Variants in LRP1B observed in about 807,000 individuals in gnomAD.
The protein encoded by LRP1B is LDL receptor related protein 1B.
Under a neutral mutation model 556.6 loss-of-function variants are expected in LRP1B, and 217 were observed. That is an observed-to-expected ratio of 0.39 (90% CI 0.35 to 0.44). The LOEUF (loss-of-function observed/expected upper bound fraction) is 0.44, where lower values mean the gene tolerates loss of function less well. Among genes scored for constraint, LRP1B ranks in the 20% least tolerant of loss-of-function variants. The pLI is 1.00. For synonymous variants in LRP1B, 2,047 were observed against 1,865.8 expected, an observed-to-expected ratio of 1.10 and a Z score of -2.50; for missense variants, 5,053 against 5,620.8, an observed-to-expected ratio of 0.90 and a Z score of 3.23.
chr2:141,124,124 A>G (rs1362885786), intron 7 of LRP1B, among the ~76,000 whole-genome samples: 1 of 152,148 alleles, frequency 6.6e-6, no homozygotes, highest in African/African-American at 2.4e-5. Flanking sequence ...AGATAACAAA[A>G]TAAAACTTTC....
chr2:141,799,108 A>C (rs998403993), intron 2 of LRP1B, among the ~76,000 whole-genome samples: 9 of 152,038 alleles, frequency 5.9e-5, no homozygotes, highest in Admixed American at 4.6e-4. Context: ...TAAGCCACCC[A>C]GTGTGTGGTG....
At chr2:140,598,858 C>T in intron 42 of LRP1B, 23 bp from the exon 43 acceptor site, 2 of 1,480,760 alleles carry the variant, frequency 1.4e-6, no homozygotes, top group Non-Finnish European at 1.9e-6. Flanking sequence ...AAAATTGTAA[C>T]TATAAATTAA....
intron 3 of LRP1B, among the ~76,000 whole-genome samples, chr2:141,259,401 C>T (rs575150430): frequency 6.6e-6 from 1 of 152,250 alleles, no homozygotes; most frequent in East Asian, 1.9e-4. Context: ...GATGACATTC[C>T]CCAGTTGTCT....
chr2:141,467,797 T>C (rs1682289046), intron 3 of LRP1B, among the ~76,000 whole-genome samples: 1 of 112,352 alleles, frequency 8.9e-6, no homozygotes, highest in South Asian at 3.6e-4. Context: ...AAAAGCACAC[T>C]GCTTTTTGTT....
At chr2:141,964,134 A>G (rs1263476247) in intron 1 of LRP1B, among the ~76,000 whole-genome samples, 1 of 150,362 alleles carries the variant, frequency 6.7e-6, no homozygotes, top group Non-Finnish European at 1.5e-5. Flanking sequence ...GCTCATGGGT[A>G]GGAAGAATTA....
At chr2:141,510,964 T>A (rs983197) in intron 2 of LRP1B, among the ~76,000 whole-genome samples, 2 of 151,692 alleles carry the variant, frequency 1.3e-5, no homozygotes, top group Non-Finnish European at 2.9e-5. Flanking sequence ...AAATTTAAGA[T>A]AGAGAGTGGA....
chr2:140,415,577 T>C (rs1353769911), intron 66 of LRP1B, among the ~76,000 whole-genome samples: 1 of 152,142 alleles, frequency 6.6e-6, no homozygotes, highest in Non-Finnish European at 1.5e-5. Context: ...AAATAGAACC[T>C]ACACTGAAAT....
intron 69 of LRP1B, among the ~76,000 whole-genome samples, chr2:140,372,079 T>C (rs58455259): frequency 4.0e-4 from 61 of 152,208 alleles, no homozygotes; most frequent in African/African-American, 1.4e-3. Context: ...TAGGCTTGCA[T>C]TCAAATGTCT....
chr2:141,697,024 G>A (rs1352643558), intron 2 of LRP1B, among the ~76,000 whole-genome samples: 1 of 151,796 alleles, frequency 6.6e-6, no homozygotes, highest in Non-Finnish European at 1.5e-5. Flanking sequence ...AATTTTAAGG[G>A]CAGTCATTTT....
intron 35 of LRP1B, among the ~76,000 whole-genome samples, chr2:140,748,355 TAA>T (rs1226513639): frequency 5.8e-5 from 5 of 85,984 alleles, no homozygotes; most frequent in Non-Finnish European, 1.1e-4. Flanking sequence ...TATTCATATA[TAA>T]TATATATTTA....
Position 142,031,330 on chromosome 2 carries a change from A to ATTTTTTTTTTT in LRP1B, c.82+99307_82+99317dup, listed in dbSNP as rs560363480. On this transcript the variant is annotated intron_variant, in intron 1 of 90. Coordinates refer to ENST00000389484, the MANE Select transcript of LRP1B (RefSeq NM_018557.3). ...ATTTAGAGAAAGGTTGATTATACTT[A>ATTTTTTTTTTT]TTTTTTTTTTTTTTTTTTATTATAC... 8.3e-3 allele frequency among the ~76,000 whole-genome samples: 965 copies of ATTTTTTTTTTT among 116,618 alleles called. 17 individuals carry two copies. Among genetic ancestry groups the ATTTTTTTTTTT allele is most frequent in the Non-Finnish European group, 0.011 (646 of 56,782 alleles). The allele number at this position is 116,618 out of a possible 152,430, so 76.5% of individuals were successfully genotyped here.
intron 1 of LRP1B, among the ~76,000 whole-genome samples, chr2:142,108,303 A>G (rs1001559401): frequency 6.6e-6 from 1 of 152,146 alleles, no homozygotes; most frequent in Non-Finnish European, 1.5e-5. Flanking sequence ...ATAAGCTTCT[A>G]TATGTTTCAA....
At chr2:142,059,179 G>C (rs1264447273) in intron 1 of LRP1B, among the ~76,000 whole-genome samples, 1 of 152,064 alleles carries the variant, frequency 6.6e-6, no homozygotes, top group East Asian at 1.9e-4. Context: ...ATGGGCACAA[G>C]GTTTCTTTTG....
At chr2:141,371,151 T>G in intron 3 of LRP1B, among the ~76,000 whole-genome samples, 1 of 152,180 alleles carries the variant, frequency 6.6e-6, no homozygotes, top group East Asian at 1.9e-4. Flanking sequence ...GCCAGGTACA[T>G]TTTTGTATTT....
chr2:140,906,253 G>A (rs531375314), intron 22 of LRP1B, among the ~76,000 whole-genome samples: 2 of 152,200 alleles, frequency 1.3e-5, no homozygotes, highest in Non-Finnish European at 2.9e-5. Context: ...TTTGGGCAAA[G>A]CTCTTTAAGT....
At chr2:140,266,521 A>G (rs16843728) in intron 86 of LRP1B, among the ~76,000 whole-genome samples, 1 of 151,988 alleles carries the variant, frequency 6.6e-6, no homozygotes, top group South Asian at 2.1e-4. Context: ...CTCTTGTGTC[A>G]TGGTATAAAA....
intron 1 of LRP1B, among the ~76,000 whole-genome samples, chr2:142,128,363 G>A (rs906416196): frequency 1.3e-5 from 2 of 152,172 alleles, no homozygotes. Context: ...AAACGCATCT[G>A]TATAATTCAC....
chr2:140,801,882 C>G (rs971729653), intron 32 of LRP1B, among the ~76,000 whole-genome samples: 1 of 151,822 alleles, frequency 6.6e-6, no homozygotes, highest in Non-Finnish European at 1.5e-5. Context: ...GCTGTAGCTC[C>G]GACAAGAAGT....
At chr2:141,579,524 T>C (rs767701864) in intron 2 of LRP1B, among the ~76,000 whole-genome samples, 16 of 152,062 alleles carry the variant, frequency 1.1e-4, no homozygotes, top group African/African-American at 1.9e-4. Context: ...TACTGAACGA[T>C]TGCATTAATA....
Sources: gnomAD v4.1 joint callset for allele counts (sites outside exome capture counted in the v4.1 genomes callset) on GRCh38, gnomAD v4.1.1 for gene constraint, MANE v1.5 for transcripts, NCBI Gene and HGNC (gene_info 2026-07-23, HGNC 2026-07-21) for gene names.